TBXAS1: variants seen among roughly 807,000 people sequenced by gnomAD.
TBXAS1 encodes thromboxane A synthase 1.
A neutral mutation model predicts 60.7 loss-of-function variants in TBXAS1; 48 were observed. The ratio of observed to expected loss-of-function variants is 0.79; its 90% CI spans 0.63 to 1.01. The LOEUF is 1.01. Ranked by LOEUF, TBXAS1 falls within the 50% of genes least tolerant of loss-of-function variation. The pLI is 0.00. For missense variants in TBXAS1, 685 were observed against 686.3 expected, an observed-to-expected ratio of 1.00 and a Z score of 0.02; for synonymous variants, 287 against 269.7, an observed-to-expected ratio of 1.06 and a Z score of -0.63.
chr7:139,936,212 TC>T lies in TBXAS1; in HGVS notation c.356del (p.Ser119TrpfsTer2). On this transcript the variant is annotated frameshift_variant, in exon 5 of 13. Transcript: ENST00000448866. LOFTEE classifies it high-confidence loss of function. The stretch of plus-strand genomic sequence containing the variant: ...ACAGGCGTCGGGTTTGGAGTTCAAG[TC>T]GGTAGCCGACAGCGTTCTGTTTTTA... ...NRMASGLEFK[S>X]VADSVLFLRD... 6.2e-7 allele frequency: 1 copy of T among 1,614,186 alleles called. No individual in the cohort carries two copies. The highest frequency in any genetic ancestry group is 8.5e-7 in the Non-Finnish European group (1 of 1,180,030).
At chr7:139,959,059 G>C (rs1810118096) in intron 8 of TBXAS1, among the ~76,000 whole-genome samples, 1 of 151,156 alleles carries the variant, frequency 6.6e-6, no homozygotes, top group Admixed American at 6.6e-5. Context: ...CCTGGCTGTG[G>C]AATCAGGCTA....
At chr7:139,854,237 A>G (rs1218816689) in intron 1 of TBXAS1, among the ~76,000 whole-genome samples, 4 of 152,086 alleles carry the variant, frequency 2.6e-5, no homozygotes, top group South Asian at 4.1e-4. Flanking sequence ...AAAGCCTGGG[A>G]AAAAGCCCAG....
At chr7:139,854,573 C>T (rs997944195) in intron 1 of TBXAS1, among the ~76,000 whole-genome samples, 1 of 152,088 alleles carries the variant, frequency 6.6e-6, no homozygotes, top group Non-Finnish European at 1.5e-5. Flanking sequence ...AAACTCTATG[C>T]CCAAGGGAGA....
At chr7:139,985,691 G>C (rs186124430) in intron 9 of TBXAS1, among the ~76,000 whole-genome samples, 2 of 152,116 alleles carry the variant, frequency 1.3e-5, no homozygotes, top group African/African-American at 4.8e-5. Context: ...GTGATTTCAC[G>C]TCTGTTGATG....
At chr7:139,785,110 A>G (rs1012467922) in intron 3 of TBXAS1, among the ~76,000 whole-genome samples, 11 of 152,192 alleles carry the variant, frequency 7.2e-5, no homozygotes, top group Admixed American at 6.5e-4. Flanking sequence ...AAGCAGTTCC[A>G]TAACTACAGG....
At chr7:139,900,383 T>C (rs1396869309) in intron 3 of TBXAS1, among the ~76,000 whole-genome samples, 1 of 152,190 alleles carries the variant, frequency 6.6e-6, no homozygotes, top group South Asian at 2.1e-4. Context: ...CCTGCTAAGC[T>C]GTTGCATATT....
chr7:139,932,636 A>G (rs924235125), intron 4 of TBXAS1, among the ~76,000 whole-genome samples: 1 of 152,172 alleles, frequency 6.6e-6, no homozygotes, highest in African/African-American at 2.4e-5. Context: ...TGATCTTCCA[A>G]ATCTTCTCTT....
chr7:139,821,334 G>T (rs891554781), intron 4 of TBXAS1, among the ~76,000 whole-genome samples: 4 of 152,150 alleles, frequency 2.6e-5, no homozygotes, highest in African/African-American at 9.7e-5. Context: ...TGGATATATT[G>T]GTCTGAAACT....
chr7:139,982,478 T>A (rs1812040740), intron 9 of TBXAS1, among the ~76,000 whole-genome samples: 1 of 152,240 alleles, frequency 6.6e-6, no homozygotes, highest in South Asian at 2.1e-4. Context: ...GCAGCATGCC[T>A]GGGCTTTCTT....
intron 4 of TBXAS1, among the ~76,000 whole-genome samples, chr7:139,927,974 T>C (rs922903134): frequency 2.0e-5 from 3 of 152,202 alleles, no homozygotes; most frequent in African/African-American, 7.2e-5. Context: ...ACTTCTTCCA[T>C]TCCAATTTTT....
At chr7:139,833,918 C>A (rs1798890469) in intron 1 of TBXAS1, among the ~76,000 whole-genome samples, 1 of 151,972 alleles carries the variant, frequency 6.6e-6, no homozygotes, top group African/African-American at 2.4e-5. Flanking sequence ...AGAAAGTCAG[C>A]AAAGAAACAA....
intron 1 of TBXAS1, among the ~76,000 whole-genome samples, chr7:139,869,911 A>G (rs1274490959): frequency 6.6e-6 from 1 of 152,220 alleles, no homozygotes; most frequent in Non-Finnish European, 1.5e-5. Context: ...ACAAGAGTGC[A>G]GAGAAGGAAG....
intron 1 of TBXAS1, among the ~76,000 whole-genome samples, chr7:139,842,785 C>A (rs1402282503): frequency 1.3e-5 from 2 of 152,254 alleles, no homozygotes; most frequent in African/African-American, 4.8e-5. Flanking sequence ...GTGGGGCCCT[C>A]CTAAACCTCC....
intron 3 of TBXAS1, among the ~76,000 whole-genome samples, chr7:139,785,713 T>G (rs1387992566): frequency 1.3e-5 from 2 of 152,086 alleles, no homozygotes; most frequent in Non-Finnish European, 2.9e-5. Context: ...AGTCACCATA[T>G]TACTGCACAA....
intron 9 of TBXAS1, among the ~76,000 whole-genome samples, chr7:139,966,307 G>T (rs900849164): frequency 3.9e-5 from 6 of 152,208 alleles, no homozygotes; most frequent in African/African-American, 1.4e-4. Flanking sequence ...AGAAAGAGCA[G>T]ATATGTGCAT....
At chr7:139,844,589 G>A (rs968801529) in intron 1 of TBXAS1, among the ~76,000 whole-genome samples, 3 of 152,142 alleles carry the variant, frequency 2.0e-5, no homozygotes, top group Non-Finnish European at 4.4e-5. Context: ...ATAAATGCAC[G>A]ATTTACATTA....
intron 4 of TBXAS1, among the ~76,000 whole-genome samples, chr7:139,811,144 GA>G (rs1798013933): frequency 6.6e-6 from 1 of 152,228 alleles, no homozygotes; most frequent in African/African-American, 2.4e-5. Flanking sequence ...GATTCAACCT[GA>G]AGTATATTGT....
At chr7:139,930,026 A>G (rs1312977678) in intron 4 of TBXAS1, among the ~76,000 whole-genome samples, 2 of 152,130 alleles carry the variant, frequency 1.3e-5, no homozygotes, top group East Asian at 3.8e-4. Flanking sequence ...CCCTCCACAC[A>G]CAGGCCCCCA....
At chr7:139,790,799 G>A (rs1797358341) in intron 4 of TBXAS1, among the ~76,000 whole-genome samples, 1 of 152,074 alleles carries the variant, frequency 6.6e-6, no homozygotes, top group Non-Finnish European at 1.5e-5. Context: ...TACAGGTTTT[G>A]GATTTTTACT....
Sources: allele counts gnomAD v4.1 joint callset (sites outside exome capture counted in the v4.1 genomes callset), GRCh38; gene constraint gnomAD v4.1.1; transcripts MANE v1.5; gene names NCBI Gene and HGNC (gene_info 2026-07-23, HGNC 2026-07-21).